SCIMP: variants seen among roughly 807,000 people sequenced by gnomAD.
SCIMP encodes the protein SLP adapter and CSK-interacting membrane protein.
Under a neutral mutation model 22.0 loss-of-function variants are expected in SCIMP, and 18 were observed. The ratio of observed to expected loss-of-function variants is 0.82; its 90% CI spans 0.56 to 1.21. SCIMP has a LOEUF of 1.21. Ranked by LOEUF, SCIMP falls within the 50% of genes most tolerant of loss-of-function variation. The pLI, the probability that SCIMP is intolerant of heterozygous loss-of-function variation, is 0.00. For synonymous variants in SCIMP, 53 were observed against 62.2 expected, an observed-to-expected ratio of 0.85 and a Z score of 0.70; for missense variants, 155 against 171.2, an observed-to-expected ratio of 0.91 and a Z score of 0.53.
At chr17:5,212,280 A>C (rs543735161) in intron 4 of SCIMP, among the ~76,000 whole-genome samples, 1 of 152,298 alleles carries the variant, frequency 6.6e-6, no homozygotes, top group East Asian at 1.9e-4. Flanking sequence ...TAGCTGTGTG[A>C]CTATAGGTAA....
chr17:5,228,157 G>A (rs531263572), intron 1 of SCIMP, among the ~76,000 whole-genome samples: 1 of 152,090 alleles, frequency 6.6e-6, no homozygotes, highest in Non-Finnish European at 1.5e-5. Context: ...GGGCAACAGA[G>A]CTAGACTCCT....
At position 5,223,433 on chromosome 17, in the gene SCIMP, C is replaced by T. The variant is rs867374923; in HGVS notation, c.45G>A (p.Trp15Ter). The T allele has an allele frequency of 6.2e-7, 1 of 1,613,632 alleles. No homozygotes were observed. Among genetic ancestry groups the T allele is most frequent in the Admixed American group, 1.7e-5 (1 of 59,970 alleles). ...CTAAGATGATCCAGAAATTATTCCT[C>T]CACCAGCTCATTGCAGTGGAATCCT... ...TVQDSTAMSWWRNNFWIILAV... is the reference protein window; with the variant it reads ...TVQDSTAMSW Residue 15 changes from tryptophan (W) to a stop codon, truncating the protein, a stop_gained, in exon 2 of 5, where the codon TGG becomes TGA. Transcript: ENST00000574081. LOFTEE classifies it high-confidence loss of function.
Position 5,232,904 on chromosome 17 carries a change from G to A in SCIMP, c.21+1831C>T, listed in dbSNP as rs371961343. 1.1e-3 allele frequency among the ~76,000 whole-genome samples: 160 copies of A among 152,180 alleles called. 7 individuals are homozygous for A. In the South Asian group the frequency reaches 0.032, roughly 30 times the overall value. ...TTTGTGTATTTTTAGTAGAGATGGG[G>A]TTTTGCCATGTTGGCCTGGCTGGTC... On this transcript the variant is annotated intron_variant, in intron 1 of 4. Coordinates refer to ENST00000574081, the MANE Select transcript of SCIMP (RefSeq NM_207103.3).
rs562461256 is a variant in SCIMP at position 5,230,141 on chromosome 17, T to C, written c.21+4594A>G. On this transcript the variant is annotated intron_variant, in intron 1 of 4. Coordinates refer to ENST00000574081, the MANE Select transcript of SCIMP (RefSeq NM_207103.3). ...TGCACCTGGCCAGAGGGAATAGGTT[T>C]CCTGTTCCCACTTAGCTGTTGCACT... 7.2e-5 allele frequency among the ~76,000 whole-genome samples: 11 copies of C among 152,276 alleles called. No homozygotes were observed. In the South Asian group the frequency reaches 2.3e-3, roughly 32 times the overall value.
rs1439806747 is a variant in SCIMP, at chr17:5,210,510, G to A, written c.*291C>T. ...AAGAAATGAGTAGTTTCCCACAGGT[G>A]GGAGCCATGGAGCCCCGTGGTCCTT... On this transcript the variant is annotated 3_prime_UTR_variant, in exon 5 of 5. Transcript: ENST00000574081. 3 of 300,262 alleles carry A rather than the reference G, an allele frequency of 1.0e-5. No individual in the cohort carries two copies. The highest frequency in any genetic ancestry group is 1.8e-5 in the Non-Finnish European group (3 of 163,542). 18.6% of individuals were successfully genotyped at this position (300,262 alleles called of 1,614,324 possible). A position where few individuals can be genotyped will look rare whatever the true frequency, so the allele number is the denominator to read the frequency against.
At chr17:5,234,384 G>A (rs2074727972) in intron 1 of SCIMP, among the ~76,000 whole-genome samples, 1 of 139,182 alleles carries the variant, frequency 7.2e-6, no homozygotes, top group South Asian at 2.2e-4. Flanking sequence ...ACACACCATC[G>A]GCATCCAGAA....
At chr17:5,224,708 G>T (rs1447643138) in intron 1 of SCIMP, among the ~76,000 whole-genome samples, 1 of 152,170 alleles carries the variant, frequency 6.6e-6, no homozygotes, top group African/African-American at 2.4e-5. Flanking sequence ...ACCTGCCTCG[G>T]CCTCCCAAAG....
At chr17:5,215,209 C>A in intron 3 of SCIMP, 1 of 514,286 alleles carries the variant, frequency 1.9e-6, no homozygotes, top group Non-Finnish European at 3.5e-6. Flanking sequence ...CTGGAAATGG[C>A]TGAAAATGAG....
intron 3 of SCIMP, 115 bp downstream of exon 3, chr17:5,221,172 G>A (rs576202114): frequency 1.2e-6 from 1 of 817,100 alleles, no homozygotes; most frequent in African/African-American, 1.7e-5. Context: ...AGTCTCGCCA[G>A]CTCTACAGGA....
rs576701763 is a variant in SCIMP at position 5,221,111 on chromosome 17, C to T, written c.209+176G>A. On this transcript the variant is annotated intron_variant, in intron 3 of 4. Transcript: ENST00000574081. The stretch of plus-strand genomic sequence containing the variant: ...AGAGGAGGGAGGACTTGCCCTGCAT[C>T]GACAATGTCCTGAGTCTCTGCCCTT... 1.6e-5 allele frequency: 11 copies of T among 699,412 alleles called. No individual in the cohort carries two copies. The African/African-American group carries it at 1.8e-4, about 11-fold the overall frequency. The allele number at this position is 699,412 out of a possible 1,614,324, so 43.3% of individuals were successfully genotyped here. A position where few individuals can be genotyped will look rare whatever the true frequency, so the allele number is the denominator to read the frequency against.
intron 4 of SCIMP, 59 bp downstream of exon 4, chr17:5,214,866 A>T (rs745447520): frequency 1.4e-6 from 1 of 710,134 alleles, no homozygotes; most frequent in Non-Finnish European, 2.5e-6. Flanking sequence ...AAAAAAAGAC[A>T]CCTTGATAAA....
At chr17:5,222,678 T>C (rs1368604845) in intron 2 of SCIMP, among the ~76,000 whole-genome samples, 1 of 152,084 alleles carries the variant, frequency 6.6e-6, no homozygotes, top group Non-Finnish European at 1.5e-5. Context: ...TTTTTTTCTT[T>C]TTTGATATGG....
At chr17:5,233,014 A>G (rs2144355020) in intron 1 of SCIMP, among the ~76,000 whole-genome samples, 1 of 152,048 alleles carries the variant, frequency 6.6e-6, no homozygotes, top group Middle Eastern at 3.4e-3. Context: ...GCCTCGCTCC[A>G]CTTGTCCTTC....
intron 3 of SCIMP, among the ~76,000 whole-genome samples, chr17:5,218,894 C>T (rs1371917862): frequency 6.6e-6 from 1 of 151,740 alleles, no homozygotes; most frequent in Non-Finnish European, 1.5e-5. Flanking sequence ...GCTGAGATTA[C>T]AGGCATGAGC....
chr17:5,229,697 A>C lies in SCIMP; in HGVS notation c.21+5038T>G, dbSNP rs570745350. Among the ~76,000 whole-genome samples, 23 of 151,004 alleles carry C rather than the reference A, an allele frequency of 1.5e-4. 1 individual carries two copies. Among genetic ancestry groups the C allele is most frequent in the Middle Eastern group, 3.4e-3 (1 of 292 alleles). Reference sequence around the variant, plus strand: ...AGGCATGAGCCACTGCGTCCGGCGTATTTAGCATTTTTAAAAGAAGATCTT... The same window carrying C: ...AGGCATGAGCCACTGCGTCCGGCGTCTTTAGCATTTTTAAAAGAAGATCTT... On this transcript the variant is annotated intron_variant, in intron 1 of 4. Coordinates refer to ENST00000574081, the MANE Select transcript of SCIMP (RefSeq NM_207103.3).
rs1043431899 is a variant in SCIMP at position 5,234,855 on chromosome 17, G to A, written c.-100C>T. On this transcript the variant is annotated 5_prime_UTR_variant, in exon 1 of 5. Transcript: ENST00000574081. ...TCACAGGCCTTCACCCACTGCTAGA[G>A]ACAGTGAGCCCCATCCTGACCACTT... 6.4e-7 allele frequency: 1 copy of A among 1,550,540 alleles called. No homozygotes were observed. The highest frequency in any genetic ancestry group is 1.4e-5 in the African/African-American group (1 of 73,548).
intron 1 of SCIMP, among the ~76,000 whole-genome samples, chr17:5,224,057 A>C (rs934673188): frequency 1.3e-5 from 2 of 152,236 alleles, no homozygotes; most frequent in African/African-American, 4.8e-5. Flanking sequence ...GGCCCTCTAG[A>C]AATGGTAGAC....
intron 1 of SCIMP, among the ~76,000 whole-genome samples, chr17:5,230,515 G>A (rs972363579): frequency 1.1e-4 from 16 of 152,278 alleles, no homozygotes; most frequent in Admixed American, 9.2e-4. Flanking sequence ...AAGATGAAAA[G>A]GGAAGCCAGC....
intron 1 of SCIMP, chr17:5,223,704 C>T (rs930484941): frequency 7.3e-6 from 3 of 411,118 alleles, no homozygotes; most frequent in African/African-American, 4.1e-5. Context: ...CACCTGCCAC[C>T]ACGCCTGGCT....
Sources: allele counts gnomAD v4.1 joint callset (sites outside exome capture counted in the v4.1 genomes callset), GRCh38; gene constraint gnomAD v4.1.1; transcripts MANE v1.5; gene names NCBI Gene and HGNC (gene_info 2026-07-23, HGNC 2026-07-21).